EFNA5: variants seen among roughly 807,000 people sequenced by gnomAD.
EFNA5 encodes the protein ephrin A5.
A neutral mutation model predicts 22.9 loss-of-function variants in EFNA5; 5 were observed. That is an observed-to-expected ratio of 0.22 (90% CI 0.11 to 0.46). EFNA5 has a LOEUF of 0.46. EFNA5 is among the 20% of genes least tolerant of loss of function. The probability of loss-of-function intolerance (pLI) is 0.99; values close to 1 mark genes in which losing one functional copy is unlikely to be tolerated. For missense variants in EFNA5, 237 were observed against 293.3 expected (o/e 0.81, Z 1.40); for synonymous variants, 113 against 112.2 (o/e 1.01, Z -0.04).
At chr5:107,526,881 G>T (rs1298206852) in intron 1 of EFNA5, among the ~76,000 whole-genome samples, 1 of 152,132 alleles carries the variant, frequency 6.6e-6, no homozygotes, top group Non-Finnish European at 1.5e-5. Context: ...CATTAGAAAA[G>T]TCTACAAGTT....
At chr5:107,650,175 G>A (rs1750701103) in intron 1 of EFNA5, among the ~76,000 whole-genome samples, 1 of 152,160 alleles carries the variant, frequency 6.6e-6, no homozygotes, top group Admixed American at 6.5e-5. Context: ...TTCCACTGCA[G>A]AGGTACAAAC....
chr5:107,642,288 A>G (rs929277534), intron 1 of EFNA5, among the ~76,000 whole-genome samples: 6 of 152,186 alleles, frequency 3.9e-5, no homozygotes, highest in Admixed American at 3.3e-4. Flanking sequence ...GCTATAGTTA[A>G]TAATATATTG....
chr5:107,496,336 C>CAAAAAAA (rs77916124), intron 1 of EFNA5, among the ~76,000 whole-genome samples: 67 of 79,780 alleles, frequency 8.4e-4, no homozygotes, highest in African/African-American at 2.4e-3. Flanking sequence ...AATTCCATCT[C>CAAAAAAA]AAAAAAAAAA....
At chr5:107,660,846 C>T (rs753448909) in intron 1 of EFNA5, among the ~76,000 whole-genome samples, 1 of 152,022 alleles carries the variant, frequency 6.6e-6, no homozygotes, top group African/African-American at 2.4e-5. Context: ...GACACAAAAC[C>T]CTGTCAGAAG....
At chr5:107,437,552 G>A (rs554842653) in intron 1 of EFNA5, among the ~76,000 whole-genome samples, 1 of 152,322 alleles carries the variant, frequency 6.6e-6, no homozygotes, top group African/African-American at 2.4e-5. Context: ...GCAAATTGCT[G>A]TAATTATTAC....
intron 1 of EFNA5, among the ~76,000 whole-genome samples, chr5:107,535,254 G>C (rs1305792314): frequency 6.6e-6 from 1 of 152,224 alleles, no homozygotes; most frequent in Non-Finnish European, 1.5e-5. Flanking sequence ...ATGACTGTTT[G>C]TAGATTTGGG....
At chr5:107,643,869 C>T (rs1750577553) in intron 1 of EFNA5, among the ~76,000 whole-genome samples, 1 of 127,266 alleles carries the variant, frequency 7.9e-6, no homozygotes, top group Non-Finnish European at 1.7e-5. Context: ...TGTCTATTTT[C>T]TTTAATAATA....
At chr5:107,654,824 T>C (rs1263714603) in intron 1 of EFNA5, among the ~76,000 whole-genome samples, 1 of 152,120 alleles carries the variant, frequency 6.6e-6, no homozygotes, top group African/African-American at 2.4e-5. Context: ...TGCACCAGGA[T>C]TAGCCTGTTC....
At chr5:107,540,135 G>C (rs983373367) in intron 1 of EFNA5, among the ~76,000 whole-genome samples, 1 of 152,054 alleles carries the variant, frequency 6.6e-6, no homozygotes, top group East Asian at 1.9e-4. Flanking sequence ...GCTCTATCCT[G>C]GGGGTGAAGA....
At chr5:107,637,933 G>C (rs578166692) in intron 1 of EFNA5, among the ~76,000 whole-genome samples, 55 of 151,486 alleles carry the variant, frequency 3.6e-4, no homozygotes, top group Non-Finnish European at 7.5e-4. Flanking sequence ...TGCAAGCTCC[G>C]CCTCCTGGGT....
At chr5:107,641,523 G>A (rs948317597) in intron 1 of EFNA5, among the ~76,000 whole-genome samples, 3 of 152,036 alleles carry the variant, frequency 2.0e-5, no homozygotes, top group African/African-American at 7.2e-5. Flanking sequence ...GGTAGGCTGT[G>A]GACTACCTAC....
chr5:107,468,805 A>G (rs1247480770), intron 1 of EFNA5, among the ~76,000 whole-genome samples: 1 of 151,652 alleles, frequency 6.6e-6, no homozygotes, highest in African/African-American at 2.4e-5. Context: ...GAAAAAAAAA[A>G]TAGGCCATAC....
intron 2 of EFNA5, among the ~76,000 whole-genome samples, chr5:107,415,333 C>G (rs564973159): frequency 1.3e-5 from 2 of 152,228 alleles, no homozygotes; most frequent in Admixed American, 1.3e-4. Flanking sequence ...TACTACTACT[C>G]CCTATTGCCT....
At chr5:107,416,986 G>A (rs1204433104) in intron 2 of EFNA5, among the ~76,000 whole-genome samples, 3 of 149,624 alleles carry the variant, frequency 2.0e-5, no homozygotes, top group African/African-American at 4.9e-5. Flanking sequence ...AGGAGAAAAT[G>A]AACTTTTAAA....
intron 1 of EFNA5, among the ~76,000 whole-genome samples, chr5:107,581,372 G>T (rs904015250): frequency 6.6e-6 from 1 of 152,066 alleles, no homozygotes; most frequent in South Asian, 2.1e-4. Context: ...CCTTTACCCC[G>T]GAGACATGAA....
intron 1 of EFNA5, among the ~76,000 whole-genome samples, chr5:107,539,828 C>T (rs1748009895): frequency 6.6e-6 from 1 of 152,110 alleles, no homozygotes; most frequent in African/African-American, 2.4e-5. Flanking sequence ...TTATTTAACT[C>T]TATGGTTAAT....
At chr5:107,476,010 G>T in intron 1 of EFNA5, among the ~76,000 whole-genome samples, 1 of 91,498 alleles carries the variant, frequency 1.1e-5, no homozygotes, top group African/African-American at 5.0e-5. Flanking sequence ...TAAAACATGA[G>T]ATGGAAGATA....
At position 107,670,681 on chromosome 5, in the gene EFNA5, G is replaced by GAGGC. The variant is rs976533069; in HGVS notation, c.-72_-69dup. On this transcript the variant is annotated 5_prime_UTR_variant, in exon 1 of 5. Transcript: ENST00000333274. ...GAGAGAGCGGGGATCCGGAGGGAGG[G>GAGGC]AGGCAGGCAAAGGGACAGAGAGAGA... 1.3e-5 allele frequency: 20 copies of GAGGC among 1,562,112 alleles called. No individual in the cohort carries two copies. The African/African-American group carries it at 1.4e-4, about 11-fold the overall frequency.
chr5:107,389,259 G>T (rs1436454923), intron 2 of EFNA5, among the ~76,000 whole-genome samples: 1 of 152,164 alleles, frequency 6.6e-6, no homozygotes, highest in Non-Finnish European at 1.5e-5. Flanking sequence ...AGTAACTAGT[G>T]TGTTATTTAG....
Sources: allele counts gnomAD v4.1 joint callset (sites outside exome capture counted in the v4.1 genomes callset), GRCh38; gene constraint gnomAD v4.1.1; transcripts MANE v1.5; gene names NCBI Gene and HGNC (gene_info 2026-07-23, HGNC 2026-07-21).